Variants in LCE1B observed in about 807,000 individuals in gnomAD.
The protein encoded by LCE1B is late cornified envelope 1B, also known as late cornified envelope protein 1B.
For synonymous variants in LCE1B, 56 were observed against 55.9 expected, an observed-to-expected ratio of 1.00 and a Z score of -0.01; for missense variants, 151 against 147.2, an observed-to-expected ratio of 1.03 and a Z score of -0.14.
Position 152,812,601 on chromosome 1 carries a change from G to A in LCE1B, c.155G>A (p.Cys52Tyr), listed in dbSNP as rs1343454518. ...SCCSVSSGGCCGSSSGGSCGS... is the reference protein window; with the variant it reads ...SCCSVSSGGCYGSSSGGSCGS... ...TGCAGTGTCAGCTCCGGAGGCTGCT[G>A]TGGCTCCAGCTCTGGGGGAAGCTGT... Residue 52 changes from cysteine to tyrosine, a missense_variant, in exon 1 of 1, where the codon TGT becomes TAT. By Grantham distance (194) the Cys-to-Tyr change is radical. Coordinates refer to ENST00000360090, the MANE Select transcript of LCE1B (RefSeq NM_178349.2). 1.9e-6 allele frequency: 3 copies of A among 1,612,762 alleles called. No individual in the cohort carries two copies. Among genetic ancestry groups the A allele is most frequent in the Non-Finnish European group, 1.7e-6 (2 of 1,179,808 alleles).
rs79341479 is a variant in LCE1B, at chr1:152,812,853, G to A, written c.*50G>A. ...ACAAATGGCCAAATATTTCCCTTCC[G>A]TCTTCCTTCTCCTTCTGGGCCTGCC... On this transcript the variant is annotated 3_prime_UTR_variant, in exon 1 of 1. Transcript: ENST00000360090. The A allele has an allele frequency of 2.0e-5, 30 of 1,527,536 alleles. No individual in the cohort carries two copies. The East Asian group carries it at 2.3e-4, about 12-fold the overall frequency. The allele number at this position is 1,527,536 out of a possible 1,614,324, so 94.6% of individuals were successfully genotyped here.
chr1:152,812,813 T>C lies in LCE1B; in HGVS notation c.*10T>C. On this transcript the variant is annotated 3_prime_UTR_variant, in exon 1 of 1. Coordinates refer to ENST00000360090, the MANE Select transcript of LCE1B (RefSeq NM_178349.2). ...TGGAGGCTGCTGCTAAAGTGGATCC[T>C]GAGCCTAGAAGAACACAAATGGCCA... 1 of 1,579,830 alleles carries C rather than the reference T, an allele frequency of 6.3e-7. No homozygotes were observed. Among genetic ancestry groups the C allele is most frequent in the Non-Finnish European group, 8.6e-7 (1 of 1,164,906 alleles).
chr1:152,812,802 AAAGT>A lies in LCE1B; in HGVS notation c.357_*3del. The A allele has an allele frequency of 6.3e-7, 1 of 1,590,934 alleles. No individual in the cohort carries two copies. Among genetic ancestry groups the A allele is most frequent in the South Asian group, 1.1e-5 (1 of 87,682 alleles). ...GGCCAGCACTCTGGAGGCTGCTGCTAAAGTGGATCCTGAGCCTAGAAGAACACAA... is the reference window on the plus strand; with the variant it reads ...GGCCAGCACTCTGGAGGCTGCTGCTAGGATCCTGAGCCTAGAAGAACACAA... On this transcript the variant is annotated stop_retained_variant and 3_prime_UTR_variant, in exon 1 of 1. Coordinates refer to ENST00000360090, the MANE Select transcript of LCE1B (RefSeq NM_178349.2).
rs1570868138 is a variant in LCE1B at position 152,812,964 on chromosome 1, C to T, written c.*161C>T. 1.1e-6 allele frequency: 1 copy of T among 894,084 alleles called. No individual in the cohort carries two copies. Among genetic ancestry groups the T allele is most frequent in the African/African-American group, 1.7e-5 (1 of 59,036 alleles). The allele number at this position is 894,084 out of a possible 1,614,324, so 55.4% of individuals were successfully genotyped here. ...GAGTTCAGAGGCCCAAAACTTCTCC[C>T]CCAAAGCCAAGCCATTTAATGACCT... On this transcript the variant is annotated 3_prime_UTR_variant, in exon 1 of 1. Transcript: ENST00000360090.
rs1652524539 is a variant in LCE1B, at chr1:152,812,550, C to T, written c.104C>T (p.Pro35Leu). 6.2e-7 allele frequency: 1 copy of T among 1,614,138 alleles called. No homozygotes were observed. Residue 35 changes from proline to leucine, a missense_variant, in exon 1 of 1, where the codon CCT (proline) becomes CTT (leucine). Transcript: ENST00000360090. ...LTPRCPPKCPPKCPPVSSCCS... is the reference protein window; with the variant it reads ...LTPRCPPKCPLKCPPVSSCCS... The stretch of plus-strand genomic sequence containing the variant: ...CCTAGATGCCCCCCAAAGTGTCCCC[C>T]TAAGTGTCCTCCAGTCTCTTCCTGC...
In LCE1B at chr1:152,812,532, G is replaced by C. The variant is rs775807690; in HGVS notation, c.86G>C (p.Cys29Ser). ...CCTCCCAAGTGCCTCACCCCTAGAT[G>C]CCCCCCAAAGTGTCCCCCTAAGTGT... ...KCPPKCLTPR[C>S]PPKCPPKCPP... Residue 29 changes from cysteine (C) to serine (S), a missense_variant, in exon 1 of 1, where the codon TGC becomes TCC. Physicochemically the swap from Cys to Ser is moderately radical, Grantham distance 112. Transcript: ENST00000360090. 18 of 1,613,736 alleles carry C rather than the reference G, an allele frequency of 1.1e-5. No individual in the cohort carries two copies. The South Asian group carries it at 1.8e-4, about 16-fold the overall frequency.
rs780888541 is a variant in LCE1B, at chr1:152,812,876, G to A, written c.*73G>A. 1.3e-6 allele frequency: 2 copies of A among 1,500,498 alleles called. No homozygotes were observed. Among genetic ancestry groups the A allele is most frequent in the Non-Finnish European group, 1.8e-6 (2 of 1,116,892 alleles). The allele number at this position is 1,500,498 out of a possible 1,614,324, so 92.9% of individuals were successfully genotyped here. A position where few individuals can be genotyped will look rare whatever the true frequency, so the allele number is the denominator to read the frequency against. The stretch of plus-strand genomic sequence containing the variant: ...CCGTCTTCCTTCTCCTTCTGGGCCT[G>A]CCCATGTTGTTGAGAGGTCTTGGTG... On this transcript the variant is annotated 3_prime_UTR_variant, in exon 1 of 1. Transcript: ENST00000360090.
rs923041772 is a variant in LCE1B, at chr1:152,812,882, G to A, written c.*79G>A. The A allele has an allele frequency of 3.4e-6, 5 of 1,476,548 alleles. No homozygotes were observed. The African/African-American group carries it at 7.1e-5, about 21-fold the overall frequency. The allele number at this position is 1,476,548 out of a possible 1,614,324, so 91.5% of individuals were successfully genotyped here. A position where few individuals can be genotyped will look rare whatever the true frequency, so the allele number is the denominator to read the frequency against. Reference sequence around the variant, plus strand: ...TCCTTCTCCTTCTGGGCCTGCCCATGTTGTTGAGAGGTCTTGGTGAGGGCT... The same window carrying A: ...TCCTTCTCCTTCTGGGCCTGCCCATATTGTTGAGAGGTCTTGGTGAGGGCT... On this transcript the variant is annotated 3_prime_UTR_variant, in exon 1 of 1. Coordinates refer to ENST00000360090, the MANE Select transcript of LCE1B (RefSeq NM_178349.2).
chr1:152,812,622 G>T lies in LCE1B; in HGVS notation c.176G>T (p.Ser59Ile), dbSNP rs199644039. The T allele has an allele frequency of 1.9e-6, 3 of 1,613,464 alleles. No individual in the cohort carries two copies. The East Asian group carries it at 6.7e-5, about 36-fold the overall frequency. ...TGCTGTGGCTCCAGCTCTGGGGGAA[G>T]CTGTGGCTCCAGCTCTGGGGGTTGC... is the stretch of plus-strand genomic sequence containing the variant. ...GGCCGSSSGGSCGSSSGGCCS... is the reference protein window; with the variant it reads ...GGCCGSSSGGICGSSSGGCCS... Residue 59 changes from serine (S) to isoleucine (I), a missense_variant, in exon 1 of 1, where the codon AGC (serine) becomes ATC (isoleucine). Coordinates refer to ENST00000360090, the MANE Select transcript of LCE1B (RefSeq NM_178349.2).
At position 152,812,517 on chromosome 1, in the gene LCE1B, G is replaced by T. The variant is rs770537474; in HGVS notation, c.71G>T (p.Cys24Phe). The change falls in exon 1 of 1, where the codon TGC becomes TTC. Residue 24 changes from cysteine to phenylalanine, a missense_variant. Transcript: ENST00000360090. ...TGCATCCCCAAGTGCCCTCCCAAGTGCCTCACCCCTAGATGCCCCCCAAAG... is the reference window on the plus strand; with the variant it reads ...TGCATCCCCAAGTGCCCTCCCAAGTTCCTCACCCCTAGATGCCCCCCAAAG... Reference protein sequence around the residue: ...PKCIPKCPPKCLTPRCPPKCP... With the variant: ...PKCIPKCPPKFLTPRCPPKCP... 3 of 1,614,018 alleles carry T rather than the reference G, an allele frequency of 1.9e-6. No individual in the cohort carries two copies. Among genetic ancestry groups the T allele is most frequent in the Admixed American group, 1.7e-5 (1 of 60,008 alleles).
chr1:152,812,408 T>C lies in LCE1B; in HGVS notation c.-39T>C, dbSNP rs1443174286. ...TGGCCTCTACCTGGGTCTAACTTGC[T>C]GTCTGACTCTCTCTCAGCTCCTGAA... On this transcript the variant is annotated 5_prime_UTR_variant, in exon 1 of 1. Coordinates refer to ENST00000360090, the MANE Select transcript of LCE1B (RefSeq NM_178349.2). The C allele has an allele frequency of 2.5e-6, 4 of 1,600,156 alleles. No homozygotes were observed. Among genetic ancestry groups the C allele is most frequent in the Non-Finnish European group, 3.4e-6 (4 of 1,167,438 alleles).
At position 152,812,796 on chromosome 1, in the gene LCE1B, G is replaced by A; in HGVS notation, c.350G>A (p.Cys117Tyr). 6.3e-7 allele frequency: 1 copy of A among 1,595,280 alleles called. No individual in the cohort carries two copies. The highest frequency in any genetic ancestry group is 8.5e-7 in the Non-Finnish European group (1 of 1,171,702). Reference sequence around the variant, plus strand: ...GGGAGTGGCCAGCACTCTGGAGGCTGCTGCTAAAGTGGATCCTGAGCCTAG... The same window carrying A: ...GGGAGTGGCCAGCACTCTGGAGGCTACTGCTAAAGTGGATCCTGAGCCTAG... ...GGGSGQHSGG[C>Y]C is the part of the protein sequence containing the mutation. The change falls in exon 1 of 1, where the codon TGC becomes TAC. Residue 117 changes from cysteine to tyrosine, a missense_variant. By Grantham distance (194) the Cys-to-Tyr change is radical. Transcript: ENST00000360090.
In LCE1B at chr1:152,812,315, C is replaced by T. The variant is rs1438490199; in HGVS notation, c.-132C>T. 3.4e-6 allele frequency: 3 copies of T among 878,400 alleles called. No individual in the cohort carries two copies. The highest frequency in any genetic ancestry group is 5.6e-6 in the Non-Finnish European group (3 of 533,246). The allele number at this position is 878,400 out of a possible 1,614,324, so 54.4% of individuals were successfully genotyped here. ...ACTTCCCGTGATTAATTAGCTACAA[C>T]TACACTAAGCAGTTCATCAAAATGT... is the stretch of plus-strand genomic sequence containing the variant. On this transcript the variant is annotated 5_prime_UTR_variant, in exon 1 of 1. Coordinates refer to ENST00000360090, the MANE Select transcript of LCE1B (RefSeq NM_178349.2).
In LCE1B at chr1:152,812,801, T is replaced by A; in HGVS notation, c.355T>A (p.Ter119LysextTer4). 6.3e-7 allele frequency: 1 copy of A among 1,591,336 alleles called. No individual in the cohort carries two copies. The highest frequency in any genetic ancestry group is 1.1e-5 in the South Asian group (1 of 87,754). ...GSGQHSGGCC[*>K] ...TGGCCAGCACTCTGGAGGCTGCTGC[T>A]AAAGTGGATCCTGAGCCTAGAAGAA... The change falls in exon 1 of 1, where the codon TAA (stop) becomes AAA (lysine). Residue 119 changes from the stop codon to lysine (K), a stop_lost. Coordinates refer to ENST00000360090, the MANE Select transcript of LCE1B (RefSeq NM_178349.2).
At position 152,812,769 on chromosome 1, in the gene LCE1B, G is replaced by C; in HGVS notation, c.323G>C (p.Gly108Ala). 1 of 1,612,476 alleles carries C rather than the reference G, an allele frequency of 6.2e-7. No individual in the cohort carries two copies. Among genetic ancestry groups the C allele is most frequent in the South Asian group, 1.1e-5 (1 of 90,918 alleles). Residue 108 changes from glycine (G) to alanine (A), a missense_variant, in exon 1 of 1, where the codon GGA becomes GCA. By Grantham distance (60) the Gly-to-Ala change is moderately conservative. Transcript: ENST00000360090. The stretch of plus-strand genomic sequence containing the variant: ...TCCGGGGGCTCCAGCTGCTGTGGAG[G>C]AGGGAGTGGCCAGCACTCTGGAGGC... ...QPSGGSSCCG[G>A]GSGQHSGGCC
chr1:152,812,610 G>A lies in LCE1B; in HGVS notation c.164G>A (p.Ser55Asn). 1.2e-6 allele frequency: 2 copies of A among 1,612,764 alleles called. No individual in the cohort carries two copies. The highest frequency in any genetic ancestry group is 1.7e-6 in the Non-Finnish European group (2 of 1,179,804). ...SVSSGGCCGS[S>N]SGGSCGSSSG... ...AGCTCCGGAGGCTGCTGTGGCTCCA[G>A]CTCTGGGGGAAGCTGTGGCTCCAGC... Residue 55 changes from serine to asparagine, a missense_variant, in exon 1 of 1, where the codon AGC becomes AAC. Transcript: ENST00000360090.
At position 152,813,034 on chromosome 1, in the gene LCE1B, C is replaced by A; in HGVS notation, c.*231C>A. 3.6e-6 allele frequency: 2 copies of A among 548,588 alleles called. No individual in the cohort carries two copies. The highest frequency in any genetic ancestry group is 6.7e-5 in the South Asian group (2 of 29,930). 34.0% of individuals were successfully genotyped at this position (548,588 alleles called of 1,614,324 possible). A position where few individuals can be genotyped will look rare whatever the true frequency, so the allele number is the denominator to read the frequency against. ...TGCTCTGGGAAGCCCAAAGCACAGA[C>A]CTATATCCCTTTGCAGCTTGTCTTT... On this transcript the variant is annotated 3_prime_UTR_variant, in exon 1 of 1. Coordinates refer to ENST00000360090, the MANE Select transcript of LCE1B (RefSeq NM_178349.2).
Position 152,812,770 on chromosome 1 carries a change from A to T in LCE1B, c.324A>T (p.Gly108=), listed in dbSNP as rs774487757. The T allele has an allele frequency of 6.2e-7, 1 of 1,612,254 alleles. No homozygotes were observed. Among genetic ancestry groups the T allele is most frequent in the South Asian group, 1.1e-5 (1 of 90,898 alleles). Residue 108 remains glycine (G), a synonymous_variant, in exon 1 of 1, where the codon GGA becomes GGT. Coordinates refer to ENST00000360090, the MANE Select transcript of LCE1B (RefSeq NM_178349.2). The stretch of plus-strand genomic sequence containing the variant: ...CCGGGGGCTCCAGCTGCTGTGGAGG[A>T]GGGAGTGGCCAGCACTCTGGAGGCT... ...QPSGGSSCCG[G]GSGQHSGGCC
rs199882489 is a variant in LCE1B, at chr1:152,812,508, C to G, written c.62C>G (p.Pro21Arg). The G allele has an allele frequency of 6.2e-7, 1 of 1,614,154 alleles. No individual in the cohort carries two copies. ...CCTCCCAAGTGCATCCCCAAGTGCC[C>G]TCCCAAGTGCCTCACCCCTAGATGC... Reference protein sequence around the residue: ...QPPPKCIPKCPPKCLTPRCPP... With the variant: ...QPPPKCIPKCRPKCLTPRCPP... Residue 21 changes from proline to arginine, a missense_variant, in exon 1 of 1, where the codon CCT (proline) becomes CGT (arginine). Coordinates refer to ENST00000360090, the MANE Select transcript of LCE1B (RefSeq NM_178349.2).
Sources: gnomAD v4.1 joint callset for allele counts on GRCh38, gnomAD v4.1.1 for gene constraint, MANE v1.5 for transcripts, NCBI Gene and HGNC (gene_info 2026-07-23, HGNC 2026-07-21) for gene names.